The following ARMC6 variants were observed in gnomAD, a reference collection of about 807,000 sequenced individuals.
ARMC6 encodes armadillo repeat containing 6.
ARMC6 carries 43 observed loss-of-function variants against 49.2 expected under a neutral mutation model. The observed-to-expected ratio is 0.87, with a 90% CI of 0.69 to 1.13. ARMC6 has a LOEUF of 1.13. ARMC6 is among the 50% of genes most tolerant of loss of function. The probability of loss-of-function intolerance (pLI) is 0.00; values close to 1 mark genes in which losing one functional copy is unlikely to be tolerated. For missense variants in ARMC6, 627 were observed against 682.0 expected (o/e 0.92, Z 0.90); for synonymous variants, 262 against 289.6 (o/e 0.90, Z 0.97).
chr19:19,052,224 C>T (rs888979152), intron 5 of ARMC6, 29 bp downstream of exon 5: 31 of 1,548,440 alleles, frequency 2.0e-5, no homozygotes, highest in African/African-American at 2.7e-5. Flanking sequence ...CACGAGCCAG[C>T]GAACAAAGTG....
chr19:19,050,495 CA>C (rs2059487245), intron 4 of ARMC6, among the ~76,000 whole-genome samples: 1 of 152,208 alleles, frequency 6.6e-6, no homozygotes, highest in Non-Finnish European at 1.5e-5. Flanking sequence ...GGATTACAGG[CA>C]TGAGCCACCA....
chr19:19,039,815 T>C (rs2059397949), intron 2 of ARMC6, among the ~76,000 whole-genome samples: 1 of 152,188 alleles, frequency 6.6e-6, no homozygotes, highest in African/African-American at 2.4e-5. Context: ...TTTTCTTTGT[T>C]CTTGTGATTT....
At chr19:19,056,092 G>A in intron 8 of ARMC6, 164 bp downstream of exon 8, 1 of 700,160 alleles carries the variant, frequency 1.4e-6, no homozygotes, top group Non-Finnish European at 2.1e-6. Context: ...GCCCCATAGG[G>A]CCAACTTCTT....
chr19:19,034,322 C>T, intron 2 of ARMC6, 84 bp downstream of exon 2: 1 of 1,498,210 alleles, frequency 6.7e-7, no homozygotes, highest in Non-Finnish European at 9.0e-7. Flanking sequence ...AAGGCTGTCT[C>T]TTGAGTGCTG....
At chr19:19,037,800 C>G in intron 2 of ARMC6, 2 of 642,740 alleles carry the variant, frequency 3.1e-6, no homozygotes, top group South Asian at 2.4e-5. Context: ...TCCAAAGGGA[C>G]GGTGGCAAAT....
Position 19,034,450 on chromosome 19 carries a change from G to A in ARMC6, c.29+212G>A, listed in dbSNP as rs116150628. Among the ~76,000 whole-genome samples the A allele has an allele frequency of 7.9e-3, 1,200 of 152,294 alleles. 12 individuals are homozygous for A. Among genetic ancestry groups the A allele is most frequent in the African/African-American group, 0.028 (1,161 of 41,572 alleles). Reference sequence around the variant, plus strand: ...GAAGCCACTACCGGGCTTTGAGCACGTGAGTGAGGTGGAGTCTAGGCTCTG... The same window carrying A: ...GAAGCCACTACCGGGCTTTGAGCACATGAGTGAGGTGGAGTCTAGGCTCTG... On this transcript the variant is annotated intron_variant, in intron 2 of 8. Transcript: ENST00000535612.
intron 2 of ARMC6, chr19:19,040,689 GC>G (rs2059405246): frequency 5.8e-6 from 2 of 346,128 alleles, no homozygotes; most frequent in Non-Finnish European, 1.2e-5. Flanking sequence ...CTGACTGTCA[GC>G]CAGGCTGGAG....
chr19:19,043,238 T>C (rs2059424011), intron 3 of ARMC6, among the ~76,000 whole-genome samples: 2 of 152,218 alleles, frequency 1.3e-5, no homozygotes, highest in African/African-American at 4.8e-5. Flanking sequence ...ACAGGTGGCA[T>C]GTTCAGACCA....
intron 2 of ARMC6, among the ~76,000 whole-genome samples, chr19:19,039,816 C>T (rs1038688005): frequency 2.2e-4 from 34 of 152,236 alleles, no homozygotes; most frequent in African/African-American, 7.9e-4. Flanking sequence ...TTTCTTTGTT[C>T]TTGTGATTTA....
Position 19,051,725 on chromosome 19 carries a change from G to A in ARMC6, c.383G>A (p.Arg128His), listed in dbSNP as rs150064852. 4.5e-5 allele frequency: 72 copies of A among 1,613,986 alleles called. No homozygotes were observed. In the African/African-American group the frequency reaches 5.3e-4, roughly 12 times the overall value. Residue 128 changes from arginine to histidine, a missense_variant, in exon 5 of 9, where the codon CGC (arginine) becomes CAC (histidine). Physicochemically the swap from Arg to His is conservative, Grantham distance 29. Transcript: ENST00000535612. ...CAGTGCAAACAGGACAAGGCCTGCC[G>A]CTTCCTCGCGGCCCAGAAGGGGGCC... ...CDQCKQDKAC[R>H]FLAAQKGAYP...
In ARMC6 at chr19:19,057,890, C is replaced by G; in HGVS notation, c.*262C>G. ...TTACTGTCCTGCTCCTTCCCCCAGC[C>G]CCACGCCCTACCAGAGGGGGCAAAG... On this transcript the variant is annotated 3_prime_UTR_variant, in exon 9 of 9. Transcript: ENST00000535612. The G allele has an allele frequency of 1.6e-6, 1 of 611,564 alleles. No individual in the cohort carries two copies. Among genetic ancestry groups the G allele is most frequent in the Non-Finnish European group, 3.0e-6 (1 of 336,054 alleles). The allele number at this position is 611,564 out of a possible 1,614,324, so 37.9% of individuals were successfully genotyped here.
rs573573165 is a variant in ARMC6 at position 19,042,807 on chromosome 19, G to A, written c.126G>A (p.Glu42=). The A allele has an allele frequency of 5.0e-5, 80 of 1,614,064 alleles. No individual in the cohort carries two copies. The highest frequency in any genetic ancestry group is 3.3e-4 in the Middle Eastern group (2 of 6,062). The part of the protein sequence containing the change: ...AQETFDAAVR[E]NIEEFAMGPE... ...AGACCTTTGATGCAGCTGTGCGCGA[G>A]AACATCGAGGAGTTTGCGATGGGGC... The change falls in exon 3 of 9, where the codon GAG becomes GAA. Residue 42 remains glutamate (E), a synonymous_variant. Transcript: ENST00000535612.
rs1205183121 is a variant in ARMC6 at position 19,058,002 on chromosome 19, T to C, written c.*374T>C. ...GGCAGGGCAGGCGATTCCAGTGGGG[T>C]TGGGCCCCCTGGCGCCTGCTGCTTA... On this transcript the variant is annotated 3_prime_UTR_variant, in exon 9 of 9. Coordinates refer to ENST00000535612, the MANE Select transcript of ARMC6 (RefSeq NM_001199196.2). 1 of 348,388 alleles carries C rather than the reference T, an allele frequency of 2.9e-6. No individual in the cohort carries two copies. Among genetic ancestry groups the C allele is most frequent in the Non-Finnish European group, 5.5e-6 (1 of 181,280 alleles). 21.6% of individuals were successfully genotyped at this position (348,388 alleles called of 1,614,324 possible).
intron 4 of ARMC6, among the ~76,000 whole-genome samples, chr19:19,051,375 C>CTGTGTGTGTG (rs35164662): frequency 0.014 from 1,952 of 139,714 alleles, 25 homozygotes; most frequent in Middle Eastern, 0.024. Flanking sequence ...CTCTCTCTCT[C>CTGTGTGTGTG]TGTGTGTGTG....
Position 19,055,908 on chromosome 19 carries a change from C to T in ARMC6, c.1273C>T (p.Pro425Ser). The T allele has an allele frequency of 1.2e-6, 2 of 1,611,038 alleles. No individual in the cohort carries two copies. Among genetic ancestry groups the T allele is most frequent in the Non-Finnish European group, 1.7e-6 (2 of 1,179,254 alleles). ...AGCACTGCAGGCCATGAAGGCACAC[C>T]CGCAGAAGGCCGGCGTGCAGGTGGG... The part of the protein sequence containing the change: ...VAALQAMKAH[P>S]QKAGVQKQAC... Residue 425 changes from proline (P) to serine (S), a missense_variant, in exon 8 of 9, where the codon CCG becomes TCG. Physicochemically the swap from Pro to Ser is moderately conservative, Grantham distance 74. Transcript: ENST00000535612. The surrounding 1 kb of genome is among the most constrained non-coding windows in gnomAD (Gnocchi z 5.7).
At chr19:19,038,129 A>T (rs937295978) in intron 2 of ARMC6, among the ~76,000 whole-genome samples, 3 of 152,220 alleles carry the variant, frequency 2.0e-5, no homozygotes, top group Non-Finnish European at 4.4e-5. Context: ...CTAATGCCTG[A>T]TGATCTGTCA....
In ARMC6 at chr19:19,033,875, G is replaced by C. The variant is rs976056831; in HGVS notation, c.-135G>C. On this transcript the variant is annotated 5_prime_UTR_variant, in exon 1 of 9. Transcript: ENST00000535612. ...CGGCGGCCGGAAGGGGCTAGAGGCGGCTCCCTGGGTGACAACCGCGCGCCC... is the reference window on the plus strand; with the variant it reads ...CGGCGGCCGGAAGGGGCTAGAGGCGCCTCCCTGGGTGACAACCGCGCGCCC... 5.5e-6 allele frequency: 2 copies of C among 364,122 alleles called. No homozygotes were observed. Among genetic ancestry groups the C allele is most frequent in the Middle Eastern group, 8.2e-4 (1 of 1,222 alleles). 22.6% of individuals were successfully genotyped at this position (364,122 alleles called of 1,614,324 possible). A position where few individuals can be genotyped will look rare whatever the true frequency, so the allele number is the denominator to read the frequency against.
At chr19:19,048,856 T>C (rs75364271) in intron 4 of ARMC6, among the ~76,000 whole-genome samples, 2,443 of 152,250 alleles carry the variant, frequency 0.016, 61 homozygotes, top group African/African-American at 0.056. Flanking sequence ...CTTTCCATAC[T>C]GTATTAGTTA....
At chr19:19,051,017 C>G (rs1039443175) in intron 4 of ARMC6, among the ~76,000 whole-genome samples, 1 of 152,186 alleles carries the variant, frequency 6.6e-6, no homozygotes, top group South Asian at 2.1e-4. Flanking sequence ...TAAATCTGCT[C>G]TCTGTACAGT....
Sources: gnomAD v4.1 joint callset for allele counts (sites outside exome capture counted in the v4.1 genomes callset) on GRCh38, gnomAD v4.1.1 for gene constraint, Gnocchi (gnomAD v3.1) non-coding constraint, MANE v1.5 for transcripts, NCBI Gene and HGNC (gene_info 2026-07-23, HGNC 2026-07-21) for gene names.